Variants in NAALADL2 observed in about 807,000 individuals in gnomAD.
NAALADL2 encodes inactive N-acetylated-alpha-linked acidic dipeptidase-like protein 2.
NAALADL2 carries 76 observed loss-of-function variants against 87.2 expected under a neutral mutation model. The observed-to-expected ratio is 0.87, with a 90% CI of 0.72 to 1.05. The LOEUF is 1.05. Ranked by LOEUF, NAALADL2 falls within the 50% of genes least tolerant of loss-of-function variation. NAALADL2 has a pLI of 0.00. For missense variants in NAALADL2, 1,089 were observed against 945.8 expected, an observed-to-expected ratio of 1.15 and a Z score of -1.99; for synonymous variants, 354 against 331.0, an observed-to-expected ratio of 1.07 and a Z score of -0.75.
At chr3:174,589,409 G>A (rs1033001505) in intron 2 of NAALADL2, among the ~76,000 whole-genome samples, 12 of 152,120 alleles carry the variant, frequency 7.9e-5, no homozygotes, top group Non-Finnish European at 1.3e-4. Context: ...AGACCAACCC[G>A]GTACCTCAGT....
chr3:174,926,905 A>G (rs984524844), intron 1 of NAALADL2, among the ~76,000 whole-genome samples: 10 of 152,106 alleles, frequency 6.6e-5, no homozygotes, highest in Admixed American at 5.9e-4. Context: ...AAAGACACAG[A>G]CTGGCAAATT....
chr3:174,652,146 G>A (rs1466272868), intron 2 of NAALADL2, among the ~76,000 whole-genome samples: 5 of 152,216 alleles, frequency 3.3e-5, no homozygotes, highest in African/African-American at 1.2e-4. Flanking sequence ...TAGTATCCTC[G>A]CAGCACTCAG....
chr3:174,677,671 G>A (rs1231817017), intron 2 of NAALADL2, among the ~76,000 whole-genome samples: 1 of 151,992 alleles, frequency 6.6e-6, no homozygotes, highest in African/African-American at 2.4e-5. Context: ...GTGTGTTTCT[G>A]TTTAAAGAGT....
Position 175,803,399 on chromosome 3 carries a change from A to G in NAALADL2, c.*196A>G, listed in dbSNP as rs1754425237. On this transcript the variant is annotated 3_prime_UTR_variant, in exon 14 of 14. Coordinates refer to ENST00000454872, the MANE Select transcript of NAALADL2 (RefSeq NM_207015.3). ...CATTTAATATTTTTCTTATATCTACATTTCTGAATATGTAAAGCAAGTTAT... is the reference window on the plus strand; with the variant it reads ...CATTTAATATTTTTCTTATATCTACGTTTCTGAATATGTAAAGCAAGTTAT... 2 of 387,182 alleles carry G rather than the reference A, an allele frequency of 5.2e-6. No homozygotes were observed. The highest frequency in any genetic ancestry group is 8.4e-5 in the Admixed American group (2 of 23,952). The allele number at this position is 387,182 out of a possible 1,614,324, so 24.0% of individuals were successfully genotyped here. A position where few individuals can be genotyped will look rare whatever the true frequency, so the allele number is the denominator to read the frequency against.
intron 2 of NAALADL2, chr3:174,631,919 C>A (rs1221560834): frequency 1.3e-5 from 2 of 152,170 alleles, no homozygotes; most frequent in African/African-American, 4.8e-5. Flanking sequence ...TTTTACCACA[C>A]CATTTGTGTC....
At chr3:174,542,873 A>G (rs1722369487) in intron 1 of NAALADL2, among the ~76,000 whole-genome samples, 1 of 152,212 alleles carries the variant, frequency 6.6e-6, no homozygotes, top group Non-Finnish European at 1.5e-5. Context: ...CTCCTGCCTC[A>G]TTATGAGAAT....
At chr3:174,567,131 A>G (rs1416587811) in intron 2 of NAALADL2, among the ~76,000 whole-genome samples, 1 of 151,682 alleles carries the variant, frequency 6.6e-6, no homozygotes, top group Non-Finnish European at 1.5e-5. Flanking sequence ...ACACAATTCA[A>G]TATTTTAGCT....
chr3:175,235,510 C>T (rs952224374), intron 3 of NAALADL2: 4 of 152,120 alleles, frequency 2.6e-5, no homozygotes, highest in Non-Finnish European at 4.4e-5. Context: ...GGTAACACAC[C>T]TGTATATTAA....
At chr3:175,104,251 G>A (rs1722719523) in intron 2 of NAALADL2, among the ~76,000 whole-genome samples, 1 of 152,146 alleles carries the variant, frequency 6.6e-6, no homozygotes, top group African/African-American at 2.4e-5. Context: ...TTAAATGAGG[G>A]AGGCGAGGTA....
chr3:175,576,267 AT>A, intron 10 of NAALADL2, 80 bp downstream of exon 10: 3 of 1,287,742 alleles, frequency 2.3e-6, no homozygotes, highest in South Asian at 2.9e-5. Flanking sequence ...TGGCTATTCA[AT>A]TTTCATATCA....
intron 10 of NAALADL2, among the ~76,000 whole-genome samples, chr3:175,576,799 GAC>G (rs1718969118): frequency 6.6e-6 from 1 of 151,980 alleles, no homozygotes; most frequent in Non-Finnish European, 1.5e-5. Context: ...AACCTGTTGG[GAC>G]ATTTTACCTT....
At chr3:175,497,791 T>TA (rs1729015309) in intron 9 of NAALADL2, among the ~76,000 whole-genome samples, 1 of 152,150 alleles carries the variant, frequency 6.6e-6, no homozygotes, top group African/African-American at 2.4e-5. Context: ...TGTTGTAATA[T>TA]AGGTGCTGGA....
chr3:175,203,712 AAAG>A (rs145173086), intron 2 of NAALADL2, among the ~76,000 whole-genome samples: 66,945 of 151,820 alleles, frequency 0.44, 16,347 homozygotes, highest in Non-Finnish European at 0.54. Flanking sequence ...TTAACCAAGA[AAAG>A]AAGAGAGCAA....
At chr3:175,102,936 G>A (rs1040681286) in intron 2 of NAALADL2, among the ~76,000 whole-genome samples, 2 of 151,696 alleles carry the variant, frequency 1.3e-5, no homozygotes, top group African/African-American at 2.4e-5. Context: ...GGTGAAACCC[G>A]GTCTCTATTA....
Position 175,575,583 on chromosome 3 carries a change from C to T in NAALADL2, c.1654-458C>T, listed in dbSNP as rs887848914. On this transcript the variant is annotated intron_variant, in intron 9 of 13. Transcript: ENST00000454872. Reference sequence around the variant, plus strand: ...TACAGGGGTGAGCCACCACGCCCGGCCTCTTCTCTAGTTTTTAATAGACAT... The same window carrying T: ...TACAGGGGTGAGCCACCACGCCCGGTCTCTTCTCTAGTTTTTAATAGACAT... Among the ~76,000 whole-genome samples, 5 of 152,114 alleles carry T rather than the reference C, an allele frequency of 3.3e-5. No homozygotes were observed. In the East Asian group the frequency reaches 9.6e-4, roughly 29 times the overall value.
At chr3:175,165,488 A>G (rs1164538273) in intron 2 of NAALADL2, among the ~76,000 whole-genome samples, 4 of 152,196 alleles carry the variant, frequency 2.6e-5, no homozygotes, top group Non-Finnish European at 5.9e-5. Context: ...GTTATAATTA[A>G]AAGTTAATAA....
At chr3:174,940,716 A>G (rs981060567) in intron 1 of NAALADL2, among the ~76,000 whole-genome samples, 1 of 151,956 alleles carries the variant, frequency 6.6e-6, no homozygotes, top group Non-Finnish European at 1.5e-5. Flanking sequence ...TGATCAGGGA[A>G]TTAATTTCTT....
At chr3:175,134,017 C>T (rs1728690653) in intron 2 of NAALADL2, among the ~76,000 whole-genome samples, 1 of 152,110 alleles carries the variant, frequency 6.6e-6, no homozygotes, top group Non-Finnish European at 1.5e-5. Context: ...TGGCCTGTGA[C>T]TAGTGGTTTT....
intron 3 of NAALADL2, among the ~76,000 whole-genome samples, chr3:174,769,775 T>C (rs1039745402): frequency 6.6e-6 from 1 of 151,520 alleles, no homozygotes; most frequent in African/African-American, 2.4e-5. Context: ...TCTTTTCTTA[T>C]ATATTCTTTA....
Sources: gnomAD v4.1 joint callset for allele counts (sites outside exome capture counted in the v4.1 genomes callset) on GRCh38, gnomAD v4.1.1 for gene constraint, MANE v1.5 for transcripts, NCBI Gene and HGNC (gene_info 2026-07-23, HGNC 2026-07-21) for gene names.